CRISP2: variants seen among roughly 807,000 people sequenced by gnomAD.
CRISP2 encodes the protein cysteine-rich secretory protein 2.
Under a neutral mutation model 31.7 loss-of-function variants are expected in CRISP2, and 29 were observed. That is an observed-to-expected ratio of 0.92 (90% CI 0.68 to 1.25). The LOEUF (loss-of-function observed/expected upper bound fraction) is 1.25. Ranked by LOEUF, CRISP2 falls within the 50% of genes most tolerant of loss-of-function variation. The pLI, the probability that CRISP2 is intolerant of heterozygous loss-of-function variation, is 0.00. For synonymous variants in CRISP2, 111 were observed against 101.4 expected (o/e 1.09, Z -0.57); for missense variants, 318 against 286.5 (o/e 1.11, Z -0.79).
intron 3 of CRISP2, among the ~76,000 whole-genome samples, 190 bp downstream of exon 3, chr6:49,711,095 T>C (rs532471853): frequency 6.6e-6 from 1 of 152,222 alleles, no homozygotes; most frequent in African/African-American, 2.4e-5. Flanking sequence ...CAGTGAACTA[T>C]GATCACAGCA....
chr6:49,687,795 G>A (rs1208447634), downstream of CRISP2, among the ~76,000 whole-genome samples: 1 of 152,172 alleles, frequency 6.6e-6, no homozygotes, highest in Non-Finnish European at 1.5e-5. Flanking sequence ...TGTACTCAGG[G>A]GCGAGGATCA....
intron 4 of CRISP2, among the ~76,000 whole-genome samples, chr6:49,701,836 AATAATATATATTAT>A (rs1204991414): frequency 2.2e-4 from 20 of 91,896 alleles, no homozygotes; most frequent in South Asian, 3.0e-4. Flanking sequence ...ATACATTAAT[AATAATATATATTAT>A]ATAATATATA....
At chr6:49,701,689 A>ATGTATACATTATATATGTATACATTATG (rs1561876446) in intron 4 of CRISP2, among the ~76,000 whole-genome samples, 17 of 102,852 alleles carry the variant, frequency 1.7e-4, no homozygotes, top group African/African-American at 8.0e-4. Context: ...TATACATTAT[A>ATGTATACATTATATATGTATACATTATG]TATGTATACA....
At chr6:49,694,323 A>G (rs1764374378) in intron 9 of CRISP2, among the ~76,000 whole-genome samples, 1 of 152,154 alleles carries the variant, frequency 6.6e-6, no homozygotes. Flanking sequence ...TCCAGCTACT[A>G]CAATTCATTT....
chr6:49,685,083 C>T, the CRISP2 span, among the ~76,000 whole-genome samples: 1 of 152,194 alleles, frequency 6.6e-6, no homozygotes, highest in Admixed American at 6.5e-5. Context: ...TTTGGGCTCC[C>T]CGGATGCCTC....
At chr6:49,677,696 C>T in the CRISP2 span, among the ~76,000 whole-genome samples, 16 of 152,132 alleles carry the variant, frequency 1.1e-4, no homozygotes, top group East Asian at 1.9e-4. Context: ...CAATAGCTAA[C>T]GTCAAGTGGA....
chr6:49,696,181 G>A (rs1332039894), intron 8 of CRISP2, among the ~76,000 whole-genome samples: 3 of 152,072 alleles, frequency 2.0e-5, no homozygotes, highest in Non-Finnish European at 4.4e-5. Context: ...AATTTTGAGA[G>A]TATATTCAGT....
the CRISP2 span, among the ~76,000 whole-genome samples, chr6:49,686,146 G>A: frequency 1.3e-5 from 2 of 152,170 alleles, no homozygotes; most frequent in African/African-American, 4.8e-5. Context: ...GCTCTTCGCT[G>A]TCTTTCAATT....
intron 4 of CRISP2, among the ~76,000 whole-genome samples, chr6:49,703,763 C>T (rs1479800193): frequency 6.6e-6 from 1 of 152,142 alleles, no homozygotes; most frequent in Non-Finnish European, 1.5e-5. Context: ...TTACCTGATG[C>T]TTTTGCCTCA....
In CRISP2 at chr6:49,699,868, C is replaced by T. The variant is rs747699334; in HGVS notation, c.207G>A (p.Thr69=). The T allele has an allele frequency of 1.6e-5, 26 of 1,612,516 alleles. No homozygotes were observed. The highest frequency in any genetic ancestry group is 1.6e-4 in the Middle Eastern group (1 of 6,078). ...LKMEWSREVT[T]NAQRWANKCT... ...ACTTGTTTGCCCACCTTTGGGCATT[C>T]GTTGTTACCTCTCTGCTCCATTCCT... The change falls in exon 6 of 10, where the codon ACG becomes ACA. Residue 69 remains threonine, a synonymous_variant. Transcript: ENST00000339139.
chr6:49,710,491 G>T (rs981980769), intron 3 of CRISP2, among the ~76,000 whole-genome samples: 2 of 152,152 alleles, frequency 1.3e-5, no homozygotes, highest in African/African-American at 2.4e-5. Flanking sequence ...GGCAGACATT[G>T]TTGCAGCACA....
intron 8 of CRISP2, among the ~76,000 whole-genome samples, chr6:49,697,150 C>T (rs360556): frequency 0.91 from 138,855 of 152,222 alleles, 63,440 homozygotes; most frequent in East Asian, 0.97. Flanking sequence ...ATTTCAAACA[C>T]TAAATTTGAT....
intron 9 of CRISP2, among the ~76,000 whole-genome samples, chr6:49,694,497 G>A (rs1764409266): frequency 6.6e-6 from 1 of 152,088 alleles, no homozygotes; most frequent in Non-Finnish European, 1.5e-5. Flanking sequence ...TCTTACTGGT[G>A]TGTGTTTTGT....
rs1441004077 is a variant in CRISP2, at chr6:49,700,763, A to G, written c.88T>C (p.Leu30=). 2 of 1,610,578 alleles carry G rather than the reference A, an allele frequency of 1.2e-6. No individual in the cohort carries two copies. Among genetic ancestry groups the G allele is most frequent in the Non-Finnish European group, 8.5e-7 (1 of 1,177,512 alleles). ...EGKDPAFTAL[L]TTQLQVQREI... ...CTTTGCACTTGCAACTGGGTGGTTAACAAAGCAGTAAAAGCGGGATCCTAA... is the reference window on the plus strand; with the variant it reads ...CTTTGCACTTGCAACTGGGTGGTTAGCAAAGCAGTAAAAGCGGGATCCTAA... The change falls in exon 5 of 10, where the codon TTA becomes CTA. Residue 30 remains leucine, a synonymous_variant. Transcript: ENST00000339139.
chr6:49,701,527 C>CACAATATATATATAT (rs1765730241), intron 4 of CRISP2, among the ~76,000 whole-genome samples: 2 of 68,038 alleles, frequency 2.9e-5, no homozygotes, highest in African/African-American at 7.7e-5. Context: ...TATATATATA[C>CACAATATATATATAT]ACACACACAC....
the CRISP2 span, among the ~76,000 whole-genome samples, chr6:49,684,370 A>G: frequency 6.6e-6 from 1 of 152,210 alleles, no homozygotes; most frequent in Admixed American, 6.5e-5. Context: ...AATGACAAGA[A>G]AAAGTCTGTG....
At chr6:49,682,773 C>T in the CRISP2 span, among the ~76,000 whole-genome samples, 3 of 146,908 alleles carry the variant, frequency 2.0e-5, no homozygotes, top group African/African-American at 5.1e-5. Context: ...TTCCTCCCTC[C>T]CTTCCCTCAT....
chr6:49,709,443 T>C (rs1019628365), intron 3 of CRISP2, among the ~76,000 whole-genome samples: 1 of 152,140 alleles, frequency 6.6e-6, no homozygotes, highest in African/African-American at 2.4e-5. Flanking sequence ...GCCCTTGAGG[T>C]ACATCTATAA....
intron 2 of CRISP2, among the ~76,000 whole-genome samples, chr6:49,712,218 G>C (rs62413608): frequency 3.2e-4 from 49 of 152,276 alleles, no homozygotes; most frequent in African/African-American, 1.2e-3. Context: ...AGCCTGAAGA[G>C]TTTTGTATAG....
Sources: gnomAD v4.1 joint callset for allele counts (sites outside exome capture counted in the v4.1 genomes callset) on GRCh38, gnomAD v4.1.1 for gene constraint, MANE v1.5 for transcripts, NCBI Gene and HGNC (gene_info 2026-07-23, HGNC 2026-07-21) for gene names.